Variants in CTNNA3 observed in about 807,000 individuals in gnomAD.
The protein encoded by CTNNA3 is catenin alpha-3.
In CTNNA3, 76 loss-of-function variants were observed where a neutral mutation model predicts 95.7. The ratio of observed to expected loss-of-function variants is 0.79; its 90% CI spans 0.66 to 0.96. CTNNA3 has a LOEUF of 0.96. Ranked by LOEUF, CTNNA3 falls within the 40% of genes least tolerant of loss-of-function variation. CTNNA3 has a pLI of 0.00. For synonymous variants in CTNNA3, 431 were observed against 374.4 expected (o/e 1.15, Z -1.74); for missense variants, 1,191 against 1,089.8 (o/e 1.09, Z -1.31).
chr10:66,370,271 A>G (rs549708535), intron 12 of CTNNA3, among the ~76,000 whole-genome samples: 3 of 152,310 alleles, frequency 2.0e-5, no homozygotes, highest in South Asian at 2.1e-4. Flanking sequence ...CCCCTAAAAA[A>G]GTAAAATTAG....
chr10:66,874,706 T>C (rs1252821320), intron 7 of CTNNA3, among the ~76,000 whole-genome samples: 1 of 152,248 alleles, frequency 6.6e-6, no homozygotes, highest in Non-Finnish European at 1.5e-5. Flanking sequence ...TATACCAATC[T>C]ATATAATTTT....
chr10:67,636,010 C>T (rs1839300414), intron 2 of CTNNA3, among the ~76,000 whole-genome samples: 1 of 152,044 alleles, frequency 6.6e-6, no homozygotes, highest in Admixed American at 6.6e-5. Flanking sequence ...GCTAGCATTC[C>T]TATACATGAA....
At chr10:66,112,381 A>G (rs551063368) in intron 13 of CTNNA3, among the ~76,000 whole-genome samples, 4 of 152,252 alleles carry the variant, frequency 2.6e-5, no homozygotes, top group East Asian at 1.9e-4. Context: ...TCTTCTTACA[A>G]TCTTTTAAAA....
intron 13 of CTNNA3, among the ~76,000 whole-genome samples, chr10:66,241,946 T>C (rs1377784585): frequency 6.6e-6 from 1 of 152,150 alleles, no homozygotes; most frequent in East Asian, 1.9e-4. Context: ...CTGCCAGTTT[T>C]TCTGTTTTAA....
chr10:67,223,081 G>A (rs897302648), intron 5 of CTNNA3, among the ~76,000 whole-genome samples: 7 of 152,142 alleles, frequency 4.6e-5, no homozygotes, highest in Non-Finnish European at 1.0e-4. Flanking sequence ...TGACGCCTGC[G>A]AAAAAGGACT....
intron 10 of CTNNA3, among the ~76,000 whole-genome samples, chr10:66,549,455 G>A (rs192812518): frequency 9.5e-4 from 145 of 152,218 alleles, no homozygotes; most frequent in Non-Finnish European, 1.3e-3. Flanking sequence ...TCTTCAAAGT[G>A]AGCTGTTCCC....
chr10:66,055,859 T>G (rs1467291471), intron 15 of CTNNA3, among the ~76,000 whole-genome samples: 1 of 147,220 alleles, frequency 6.8e-6, no homozygotes, highest in African/African-American at 2.5e-5. Flanking sequence ...GAGACAGAGG[T>G]TGTAGTGAGC....
rs189129225 is a variant in CTNNA3 at position 66,200,557 on chromosome 10, T to C, written c.1884+79913A>G. Among the ~76,000 whole-genome samples the C allele has an allele frequency of 1.1e-4, 17 of 152,282 alleles. No homozygotes were observed. The East Asian group carries it at 3.3e-3, about 29-fold the overall frequency. On this transcript the variant is annotated intron_variant, in intron 13 of 17. Coordinates refer to ENST00000433211, the MANE Select transcript of CTNNA3 (RefSeq NM_013266.4). ...TTAAGTTCTATGATGAAGTTCAGTA[T>C]AAAATATGGATGAGAGTGTCACAAT...
chr10:67,657,743 AG>A (rs1840065213), intron 1 of CTNNA3, among the ~76,000 whole-genome samples: 1 of 146,534 alleles, frequency 6.8e-6, no homozygotes, highest in Non-Finnish European at 1.5e-5. Context: ...GCTACTCGGG[AG>A]GCTGAGGCAG....
intron 16 of CTNNA3, among the ~76,000 whole-genome samples, chr10:65,974,701 T>C (rs1166903689): frequency 6.6e-6 from 1 of 152,080 alleles, no homozygotes; most frequent in Non-Finnish European, 1.5e-5. Flanking sequence ...TCATGCAATA[T>C]ACCCACTGAA....
At chr10:66,009,056 T>G (rs1418841229) in intron 15 of CTNNA3, among the ~76,000 whole-genome samples, 1 of 151,862 alleles carries the variant, frequency 6.6e-6, no homozygotes, top group Non-Finnish European at 1.5e-5. Flanking sequence ...GCCGAGATGG[T>G]GCCACTGCAC....
At chr10:65,990,625 T>C (rs1159923010) in intron 15 of CTNNA3, among the ~76,000 whole-genome samples, 1 of 151,364 alleles carries the variant, frequency 6.6e-6, no homozygotes, top group Admixed American at 6.6e-5. Flanking sequence ...TTCTCTGAAC[T>C]TTAGGCCCTT....
intron 1 of CTNNA3, among the ~76,000 whole-genome samples, chr10:67,676,814 A>G (rs1438854563): frequency 3.9e-5 from 6 of 152,186 alleles, no homozygotes; most frequent in South Asian, 2.1e-4. Flanking sequence ...CATGCCTTCA[A>G]CGTTTTAATT....
intron 5 of CTNNA3, among the ~76,000 whole-genome samples, chr10:67,379,586 T>TC (rs1843837372): frequency 6.6e-6 from 1 of 152,180 alleles, no homozygotes; most frequent in Non-Finnish European, 1.5e-5. Flanking sequence ...AGTTTATACT[T>TC]TAAAGGCTCT....
At chr10:66,223,511 T>C (rs1485689224) in intron 13 of CTNNA3, among the ~76,000 whole-genome samples, 11 of 152,228 alleles carry the variant, frequency 7.2e-5, no homozygotes, top group African/African-American at 2.4e-4. Flanking sequence ...CAATAACTTC[T>C]TATTTGCACA....
chr10:66,333,457 T>C (rs1342582523), intron 12 of CTNNA3, among the ~76,000 whole-genome samples: 2 of 152,116 alleles, frequency 1.3e-5, no homozygotes, highest in Non-Finnish European at 2.9e-5. Flanking sequence ...TCAAGGAATA[T>C]CTTTATTTCT....
chr10:66,362,541 T>G (rs953601708), intron 12 of CTNNA3, among the ~76,000 whole-genome samples: 6 of 151,848 alleles, frequency 4.0e-5, no homozygotes, highest in Non-Finnish European at 8.8e-5. Flanking sequence ...TGAAACCCTA[T>G]CTCTACTAAA....
chr10:66,618,341 A>T (rs373544745), intron 10 of CTNNA3, among the ~76,000 whole-genome samples: 7 of 152,022 alleles, frequency 4.6e-5, no homozygotes, highest in South Asian at 4.2e-4. Flanking sequence ...CAAAACAGCA[A>T]GGTACTGGTA....
intron 13 of CTNNA3, among the ~76,000 whole-genome samples, chr10:66,104,045 A>G (rs2081777215): frequency 1.3e-5 from 2 of 152,354 alleles, no homozygotes; most frequent in Non-Finnish European, 2.9e-5. Flanking sequence ...AAAATCATAT[A>G]TCATCAAAAT....
Sources: allele counts gnomAD v4.1 joint callset (sites outside exome capture counted in the v4.1 genomes callset), GRCh38; gene constraint gnomAD v4.1.1; transcripts MANE v1.5; gene names NCBI Gene and HGNC (gene_info 2026-07-23, HGNC 2026-07-21).